Variants in MYBPC2 observed in about 807,000 individuals in gnomAD.
The protein encoded by MYBPC2 is myosin binding protein C2, also known as myosin-binding protein C, fast-type.
Under a neutral mutation model 137.0 loss-of-function variants are expected in MYBPC2, and 122 were observed. The ratio of observed to expected loss-of-function variants is 0.89; its 90% confidence interval spans 0.77 to 1.03. MYBPC2 has a LOEUF of 1.03. Ranked by LOEUF, MYBPC2 falls within the 50% of genes least tolerant of loss-of-function variation. The pLI, the probability that MYBPC2 is intolerant of heterozygous loss-of-function variation, is 0.00. For synonymous variants in MYBPC2, 626 were observed against 612.3 expected (o/e 1.02, Z -0.33); for missense variants, 1,500 against 1,534.4 (o/e 0.98, Z 0.37).
chr19:50,464,070 G>A (rs1324310420), intron 26 of MYBPC2, among the ~76,000 whole-genome samples: 1 of 152,140 alleles, frequency 6.6e-6, no homozygotes, highest in African/African-American at 2.4e-5. Flanking sequence ...AGAAGTAATG[G>A]GGGTCAAAGA....
chr19:50,443,071 G>T (rs868287211), intron 9 of MYBPC2, among the ~76,000 whole-genome samples: 6 of 152,082 alleles, frequency 3.9e-5, no homozygotes, highest in Middle Eastern at 3.4e-3. Flanking sequence ...GCCCTGCCAT[G>T]GTTATTTAAA....
At chr19:50,463,604 G>T (rs747136229) in intron 26 of MYBPC2, among the ~76,000 whole-genome samples, 6 of 152,132 alleles carry the variant, frequency 3.9e-5, no homozygotes, top group Non-Finnish European at 8.8e-5. Context: ...TATGTTGGGG[G>T]AGACTGACAT....
intron 18 of MYBPC2, among the ~76,000 whole-genome samples, chr19:50,454,637 G>A (rs1194217935): frequency 6.6e-6 from 1 of 151,784 alleles, no homozygotes. Context: ...TGTTGGCCAG[G>A]CTGGTTTTGA....
rs769846904 is a variant in MYBPC2 at position 50,458,672 on chromosome 19, C to T, written c.2424C>T (p.Leu808=). Residue 808 remains leucine (L), a synonymous_variant, in exon 21 of 28, where the codon CTC becomes CTT. Transcript: ENST00000357701. The stretch of plus-strand genomic sequence containing the variant: ...ATCTCCCGACCGGAGCCAGAATCCT[C>T]TTCCGAGTAGTTGGGGTCAACATCG... The part of the protein sequence containing the change: ...VKNLPTGARI[L]FRVVGVNIAG... 6.2e-7 allele frequency: 1 copy of T among 1,612,530 alleles called. No individual in the cohort carries two copies. Among genetic ancestry groups the T allele is most frequent in the African/African-American group, 1.3e-5 (1 of 75,084 alleles).
chr19:50,462,458 A>G (rs2039980650), intron 26 of MYBPC2, among the ~76,000 whole-genome samples: 1 of 152,150 alleles, frequency 6.6e-6, no homozygotes, highest in South Asian at 2.1e-4. Context: ...TGCTGGGATT[A>G]CAGGTGTGAG....
In MYBPC2 at chr19:50,456,330, ATCCG is replaced by A. The variant is rs1193062540; in HGVS notation, c.2338+689_2338+692del. On this transcript the variant is annotated intron_variant, in intron 20 of 27. Transcript: ENST00000357701. Reference sequence around the variant, plus strand: ...CATCCATCCATCTGTCCATCCATCCATCCGTCTGTCCATCCATCTGTCCATCCAT... The same window carrying A: ...CATCCATCCATCTGTCCATCCATCCATCTGTCCATCCATCTGTCCATCCAT... 3.8e-3 allele frequency among the ~76,000 whole-genome samples: 557 copies of A among 144,926 alleles called. 5 individuals carry two copies. Among genetic ancestry groups the A allele is most frequent in the African/African-American group, 0.014 (525 of 38,290 alleles).
At chr19:50,433,496 C>G (rs1363108463) in intron 1 of MYBPC2, among the ~76,000 whole-genome samples, 1 of 151,882 alleles carries the variant, frequency 6.6e-6, no homozygotes, top group African/African-American at 2.4e-5. Flanking sequence ...CATCCGCCTC[C>G]TGAGTTCAAA....
Position 50,442,312 on chromosome 19 carries a change from A to C in MYBPC2, c.901A>C (p.Lys301Gln), listed in dbSNP as rs1398559615. The C allele has an allele frequency of 6.2e-7, 1 of 1,608,710 alleles. No individual in the cohort carries two copies. Among genetic ancestry groups the C allele is most frequent in the African/African-American group, 1.3e-5 (1 of 74,832 alleles). Residue 301 changes from lysine to glutamine, a missense_variant and splice_region_variant, in exon 9 of 28, where the codon AAG becomes CAG. Lys to Gln is a moderately conservative substitution (Grantham distance 53, BLOSUM62 1). Transcript: ENST00000357701. Reference protein sequence around the residue: ...KNGQEIKPSSKYVFENVGKKR... With the variant: ...KNGQEIKPSSQYVFENVGKKR... ...CGGCCAGGAGATCAAACCAAGCAGC[A>C]AGTATGTGTGGGGTGGGCAGTCCCT... is the stretch of plus-strand genomic sequence containing the variant.
rs559611292 is a variant in MYBPC2, at chr19:50,462,007, C to A, written c.3199C>A (p.Leu1067Ile). The change falls in exon 26 of 28, where the codon CTC (leucine) becomes ATC (isoleucine). Residue 1067 changes from leucine to isoleucine, a missense_variant. Leu to Ile is a conservative substitution (Grantham distance 5). Transcript: ENST00000357701. ...GGTCGTGGCTGGGTACTCGGCAGCC[C>A]TCAACTGTGCTGTCAGAGGCCACCC... ...RVVVAGYSAA[L>I]NCAVRGHPKP... 3 of 1,573,114 alleles carry A rather than the reference C, an allele frequency of 1.9e-6. No homozygotes were observed. The highest frequency in any genetic ancestry group is 2.6e-6 in the Non-Finnish European group (3 of 1,159,312).
At position 50,454,319 on chromosome 19, in the gene MYBPC2, C is replaced by T. The variant is rs2039888169; in HGVS notation, c.1964C>T (p.Ala655Val). 1 of 1,613,534 alleles carries T rather than the reference C, an allele frequency of 6.2e-7. No individual in the cohort carries two copies. Among genetic ancestry groups the T allele is most frequent in the South Asian group, 1.1e-5 (1 of 91,032 alleles). Reference sequence around the variant, plus strand: ...ATCACCTCGGTTGGAGAGGATTGGGCCATCCTTGTCTGGGAGCCACCAATG... The same window carrying T: ...ATCACCTCGGTTGGAGAGGATTGGGTCATCCTTGTCTGGGAGCCACCAATG... Reference protein sequence around the residue: ...VRITSVGEDWAILVWEPPMYD... With the variant: ...VRITSVGEDWVILVWEPPMYD... The change falls in exon 18 of 28, where the codon GCC (alanine) becomes GTC (valine). Residue 655 changes from alanine (A) to valine (V), a missense_variant. Ala to Val is a moderately conservative substitution (Grantham distance 64). Transcript: ENST00000357701.
At chr19:50,459,934 T>G (rs766611075) in intron 23 of MYBPC2, 106 bp from the exon 24 acceptor site, 2 of 1,431,086 alleles carry the variant, frequency 1.4e-6, no homozygotes, top group Non-Finnish European at 1.9e-6. Flanking sequence ...GAATGGGGCA[T>G]AAGAGAGGTT....
In MYBPC2 at chr19:50,466,016, A is replaced by AT. The variant is rs1342409608; in HGVS notation, c.3416-178dup. Among the ~76,000 whole-genome samples, 1 of 152,112 alleles carries AT rather than the reference A, an allele frequency of 6.6e-6. No homozygotes were observed. The highest frequency in any genetic ancestry group is 1.9e-4 in the East Asian group (1 of 5,186). On this transcript the variant is annotated intron_variant, in intron 27 of 27. Transcript: ENST00000357701. The surrounding 1 kb of genome is among the most constrained non-coding windows in gnomAD (Gnocchi z 4.9). Reference sequence around the variant, plus strand: ...AGAATGTCCCCATCTGGGATCCAAAATACCAGTAATCAGGAGCACTGTGAC... The same window carrying AT: ...AGAATGTCCCCATCTGGGATCCAAAATTACCAGTAATCAGGAGCACTGTGAC...
chr19:50,452,106 C>G, intron 16 of MYBPC2, 103 bp downstream of exon 16: 1 of 1,273,822 alleles, frequency 7.9e-7, no homozygotes, highest in Non-Finnish European at 1.1e-6. Flanking sequence ...GGTGATGGTT[C>G]CTTCTTCACA....
intron 20 of MYBPC2, among the ~76,000 whole-genome samples, chr19:50,456,239 ATCCATCCATCCATCCATCCATCCC>A (rs1287453852): frequency 3.1e-5 from 3 of 96,164 alleles, no homozygotes; most frequent in African/African-American, 8.8e-5. Context: ...TCATCCATCC[ATCCATCCATCCATCCATCCATCCC>A]TCCATTTGTC....
chr19:50,457,681 T>TA (rs35073866), intron 20 of MYBPC2, among the ~76,000 whole-genome samples: 1 of 36,976 alleles, frequency 2.7e-5, no homozygotes, highest in Non-Finnish European at 4.7e-5. Flanking sequence ...CTGGGGAAAG[T>TA]TTTTTTTTTT....
intron 11 of MYBPC2, among the ~76,000 whole-genome samples, chr19:50,444,132 GTCCATCCATCCATCCATCCATCCA>G (rs3087049): frequency 1.4e-5 from 2 of 144,470 alleles, no homozygotes; most frequent in African/African-American, 2.6e-5. Context: ...CATCCACCCA[GTCCATCCATCCATCCATCCATCCA>G]TCCATCCATC....
At chr19:50,458,496 G>A in intron 20 of MYBPC2, 91 bp from the exon 21 acceptor site, 5 of 1,483,890 alleles carry the variant, frequency 3.4e-6, no homozygotes, top group East Asian at 4.8e-5. Flanking sequence ...GTGCTCACTC[G>A]CTCGCTGCGT....
At position 50,435,113 on chromosome 19, in the gene MYBPC2, T is replaced by C; in HGVS notation, c.20-48T>C. ...GACTCCTGCGTCTGAGGGAGGGGCA[T>C]GGGTGTGCAGACCGCATGCTCAACT... On this transcript the variant is annotated intron_variant, in intron 1 of 27. Coordinates refer to ENST00000357701, the MANE Select transcript of MYBPC2 (RefSeq NM_004533.4). This position sits in a 1 kb window ranked among gnomAD's most constrained non-coding sequence, Gnocchi z 4.8. 2 of 752,162 alleles carry C rather than the reference T, an allele frequency of 2.7e-6. No homozygotes were observed. The highest frequency in any genetic ancestry group is 4.8e-6 in the Non-Finnish European group (2 of 414,332). The allele number at this position is 752,162 out of a possible 1,614,324, so 46.6% of individuals were successfully genotyped here. A position where few individuals can be genotyped will look rare whatever the true frequency, so the allele number is the denominator to read the frequency against.
intron 11 of MYBPC2, 75 bp from the exon 12 acceptor site, chr19:50,445,805 C>T: frequency 6.9e-7 from 1 of 1,450,624 alleles, no homozygotes; most frequent in Non-Finnish European, 9.3e-7. Context: ...GCATGGGCCC[C>T]CGACTGACTC....
Sources: gnomAD v4.1 joint callset for allele counts (sites outside exome capture counted in the v4.1 genomes callset) on GRCh38, gnomAD v4.1.1 for gene constraint, Gnocchi (gnomAD v3.1) non-coding constraint, MANE v1.5 for transcripts, NCBI Gene and HGNC (gene_info 2026-07-23, HGNC 2026-07-21) for gene names.